MYLIP: variants seen among roughly 807,000 people sequenced by gnomAD.
MYLIP encodes the protein E3 ubiquitin-protein ligase MYLIP.
MYLIP carries 26 observed loss-of-function variants against 45.8 expected under a neutral mutation model. That is an observed-to-expected ratio of 0.57 (90% CI 0.42 to 0.79). The LOEUF (loss-of-function observed/expected upper bound fraction) is 0.79. MYLIP is among the 30% of genes least tolerant of loss of function. MYLIP has a pLI of 0.00. For missense variants in MYLIP, 494 were observed against 555.6 expected, an observed-to-expected ratio of 0.89 and a Z score of 1.11; for synonymous variants, 213 against 218.1, an observed-to-expected ratio of 0.98 and a Z score of 0.21.
Position 16,143,086 on chromosome 6 carries a change from G to A in MYLIP, c.531G>A (p.Gln177=), listed in dbSNP as rs1216648798. The A allele has an allele frequency of 1.9e-6, 3 of 1,614,102 alleles. No individual in the cohort carries two copies. The highest frequency in any genetic ancestry group is 1.7e-6 in the Non-Finnish European group (2 of 1,180,054). ...CTTCAGCTGAATACCAAGTTTTGCA[G>A]ATTGTGTCGGCAATGGAAAACTATG... is the stretch of plus-strand genomic sequence containing the variant. ...SQASAEYQVL[Q]IVSAMENYGI... The change falls in exon 4 of 7, where the codon CAG becomes CAA. Residue 177 remains glutamine, a synonymous_variant. Transcript: ENST00000356840.
At chr6:16,133,868 A>T (rs1759502421) in intron 2 of MYLIP, among the ~76,000 whole-genome samples, 1 of 152,172 alleles carries the variant, frequency 6.6e-6, no homozygotes, top group Non-Finnish European at 1.5e-5. Flanking sequence ...ACCCCATTCC[A>T]AGAGCTCCGT....
At chr6:16,152,283 T>C (rs1759887854), downstream of MYLIP, among the ~76,000 whole-genome samples, 1 of 152,244 alleles carries the variant, frequency 6.6e-6, no homozygotes, top group African/African-American at 2.4e-5. Context: ...CTTTTATTCC[T>C]TAACTTGGGC....
intron 2 of MYLIP, among the ~76,000 whole-genome samples, chr6:16,133,297 A>T (rs1427293674): frequency 1.3e-5 from 2 of 152,164 alleles, no homozygotes; most frequent in Non-Finnish European, 2.9e-5. Context: ...TCCTCTTTAT[A>T]TTATTTTCCT....
At chr6:16,159,603 G>A in the MYLIP span, among the ~76,000 whole-genome samples, 2 of 152,140 alleles carry the variant, frequency 1.3e-5, no homozygotes, top group Non-Finnish European at 2.9e-5. Flanking sequence ...CATCAGCACC[G>A]TCCACCTGCC....
At chr6:16,158,413 C>T in the MYLIP span, among the ~76,000 whole-genome samples, 1 of 152,168 alleles carries the variant, frequency 6.6e-6, no homozygotes, top group Non-Finnish European at 1.5e-5. Context: ...CTGAGGAACC[C>T]ATCAGATATA....
rs116670363 is a variant in MYLIP at position 16,144,840 on chromosome 6, A to G, written c.828-57A>G. ...TTTCTGTTCTTATTGACAACAGCGAATAAGGGTGCTGCCAGGCTCTTTGGT... is the reference window on the plus strand; with the variant it reads ...TTTCTGTTCTTATTGACAACAGCGAGTAAGGGTGCTGCCAGGCTCTTTGGT... On this transcript the variant is annotated intron_variant, in intron 5 of 6. Coordinates refer to ENST00000356840, the MANE Select transcript of MYLIP (RefSeq NM_013262.4). 2.5e-3 allele frequency: 3,908 copies of G among 1,546,276 alleles called. 75 individuals are homozygous for G. In the African/African-American group the frequency reaches 0.043, roughly 17 times the overall value.
chr6:16,149,416 C>T (rs1759852097), downstream of MYLIP, among the ~76,000 whole-genome samples: 1 of 152,184 alleles, frequency 6.6e-6, no homozygotes, highest in Non-Finnish European at 1.5e-5. Context: ...GCTTAGGAGC[C>T]AAGGATAAAG....
chr6:16,143,655 TC>T, intron 4 of MYLIP, 43 bp from the exon 5 acceptor site: 1 of 1,599,824 alleles, frequency 6.3e-7, no homozygotes, highest in Non-Finnish European at 8.5e-7. Context: ...TGGTGAAGAA[TC>T]ACTCCTTCTA....
In MYLIP at chr6:16,145,179, G is replaced by C. The variant is rs775349785; in HGVS notation, c.1110G>C (p.Gln370His). The part of the protein sequence containing the change: ...CSSCEGLSCQ[Q>H]TRVLQEKLRK... ...GCTGCGAGGGCCTCAGCTGCCAGCAGACCCGGGTGCTGCAGGAGAAGCTAC... is the reference window on the plus strand; with the variant it reads ...GCTGCGAGGGCCTCAGCTGCCAGCACACCCGGGTGCTGCAGGAGAAGCTAC... The change falls in exon 6 of 7, where the codon CAG (glutamine) becomes CAC (histidine). Residue 370 changes from glutamine (Q) to histidine (H), a missense_variant. Coordinates refer to ENST00000356840, the MANE Select transcript of MYLIP (RefSeq NM_013262.4). The C allele has an allele frequency of 3.1e-6, 5 of 1,614,162 alleles. No individual in the cohort carries two copies. In the Admixed American group the frequency reaches 8.3e-5, roughly 27 times the overall value.
chr6:16,155,003 C>A, the MYLIP span, among the ~76,000 whole-genome samples: 1 of 152,146 alleles, frequency 6.6e-6, no homozygotes, highest in African/African-American at 2.4e-5. Context: ...CAACTGGAGG[C>A]CTTCACTCCT....
At chr6:16,146,332 AT>A (rs1759789448) in intron 6 of MYLIP, among the ~76,000 whole-genome samples, 1 of 152,244 alleles carries the variant, frequency 6.6e-6, no homozygotes, top group East Asian at 1.9e-4. Context: ...CTGAAGTGTT[AT>A]AGTCTACTCA....
At chr6:16,162,649 T>C in the MYLIP span, among the ~76,000 whole-genome samples, 4 of 152,032 alleles carry the variant, frequency 2.6e-5, no homozygotes, top group South Asian at 8.3e-4. Context: ...TTTGTACTTA[T>C]ATAATGAAAT....
chr6:16,142,320 A>T (rs1231494359), intron 3 of MYLIP, among the ~76,000 whole-genome samples: 1 of 152,246 alleles, frequency 6.6e-6, no homozygotes, highest in Non-Finnish European at 1.5e-5. Context: ...GGAATTTTTT[A>T]AATCTGTGCC....
intron 2 of MYLIP, among the ~76,000 whole-genome samples, chr6:16,138,471 C>T (rs1354463780): frequency 2.0e-5 from 3 of 152,170 alleles, no homozygotes; most frequent in Admixed American, 1.3e-4. Flanking sequence ...TGTCTCTGAG[C>T]TCTGCTATCC....
At chr6:16,155,511 C>A in the MYLIP span, among the ~76,000 whole-genome samples, 74 of 152,344 alleles carry the variant, frequency 4.9e-4, 1 homozygote, top group East Asian at 0.011. Flanking sequence ...CAAGTATCTT[C>A]TCTGGCTGAG....
At chr6:16,158,063 C>G in the MYLIP span, among the ~76,000 whole-genome samples, 1 of 152,240 alleles carries the variant, frequency 6.6e-6, no homozygotes, top group Non-Finnish European at 1.5e-5. Context: ...TCCTCTTTGA[C>G]ATGTGCTCTG....
intron 2 of MYLIP, among the ~76,000 whole-genome samples, chr6:16,135,772 T>G (rs1057108969): frequency 8.1e-4 from 119 of 146,828 alleles, no homozygotes; most frequent in Admixed American, 3.2e-3. Context: ...TATATATATA[T>G]ATATATGTAT....
downstream of MYLIP, among the ~76,000 whole-genome samples, chr6:16,151,919 A>G (rs1160946667): frequency 6.6e-6 from 1 of 152,248 alleles, no homozygotes; most frequent in Non-Finnish European, 1.5e-5. Context: ...GTTGAGAAGA[A>G]GGTATCTATA....
the MYLIP span, among the ~76,000 whole-genome samples, chr6:16,154,711 C>A: frequency 3.9e-5 from 6 of 152,130 alleles, no homozygotes; most frequent in Non-Finnish European, 8.8e-5. Flanking sequence ...GACTAACAGC[C>A]CAAACCCTCT....
Sources: gnomAD v4.1 joint callset for allele counts (sites outside exome capture counted in the v4.1 genomes callset) on GRCh38, gnomAD v4.1.1 for gene constraint, MANE v1.5 for transcripts, NCBI Gene and HGNC (gene_info 2026-07-23, HGNC 2026-07-21) for gene names.